Variants in RPS6KA2 observed in about 807,000 individuals in gnomAD.
RPS6KA2 encodes ribosomal protein S6 kinase A2, also known as ribosomal protein S6 kinase alpha-2.
Under a neutral mutation model 91.8 loss-of-function variants are expected in RPS6KA2, and 42 were observed. That is an observed-to-expected ratio of 0.46 (90% confidence interval 0.36 to 0.59). The LOEUF (loss-of-function observed/expected upper bound fraction) is 0.59, where lower values mean the gene tolerates loss of function less well. Ranked by LOEUF, RPS6KA2 falls within the 20% of genes least tolerant of loss-of-function variation. RPS6KA2 has a pLI of 0.00. For synonymous variants in RPS6KA2, 414 were observed against 393.6 expected, an observed-to-expected ratio of 1.05 and a Z score of -0.61; for missense variants, 798 against 978.5, an observed-to-expected ratio of 0.82 and a Z score of 2.46.
At chr6:166,487,003 A>G (rs9459681) in intron 10 of RPS6KA2, among the ~76,000 whole-genome samples, 3,709 of 152,352 alleles carry the variant, frequency 0.024, 153 homozygotes, top group African/African-American at 0.084. Flanking sequence ...TGGACGTTTC[A>G]TAATTGATTC....
chr6:166,706,181 A>G (rs1789676107), intron 2 of RPS6KA2, among the ~76,000 whole-genome samples: 1 of 152,240 alleles, frequency 6.6e-6, no homozygotes, highest in African/African-American at 2.4e-5. Flanking sequence ...CACACCTGCA[A>G]TAACCAATTA....
chr6:166,804,160 T>C (rs983997406), intron 2 of RPS6KA2, among the ~76,000 whole-genome samples: 2 of 128,296 alleles, frequency 1.6e-5, no homozygotes, highest in African/African-American at 2.6e-5. Context: ...GAATAATATA[T>C]GTAAATTAGT....
At chr6:166,619,564 C>T (rs924448823) in intron 1 of RPS6KA2, among the ~76,000 whole-genome samples, 3 of 152,132 alleles carry the variant, frequency 2.0e-5, no homozygotes, top group Admixed American at 1.3e-4. Flanking sequence ...CAGGAGCTGA[C>T]GGCCATGTGG....
chr6:166,572,297 A>C (rs1339023467), intron 1 of RPS6KA2, among the ~76,000 whole-genome samples: 1 of 152,250 alleles, frequency 6.6e-6, no homozygotes, highest in Non-Finnish European at 1.5e-5. Flanking sequence ...AATATTGAGA[A>C]GAAGAATGAA....
At chr6:166,617,877 C>T (rs768140460) in intron 1 of RPS6KA2, among the ~76,000 whole-genome samples, 7 of 152,366 alleles carry the variant, frequency 4.6e-5, no homozygotes, top group Admixed American at 6.5e-5. Flanking sequence ...CTTCCTTCTG[C>T]ACAAGCTTCA....
chr6:166,804,044 C>G (rs1779432963), intron 2 of RPS6KA2, among the ~76,000 whole-genome samples: 1 of 152,104 alleles, frequency 6.6e-6, no homozygotes, highest in South Asian at 2.1e-4. Flanking sequence ...TTTCTGAAGT[C>G]TGATGATTCT....
chr6:166,646,859 C>A (rs985867971), intron 2 of RPS6KA2, among the ~76,000 whole-genome samples: 2 of 152,236 alleles, frequency 1.3e-5, no homozygotes, highest in African/African-American at 4.8e-5. Flanking sequence ...AGCAAGTTCT[C>A]CTGCTTCTCA....
At position 166,733,526 on chromosome 6, in the gene RPS6KA2, ATCT is replaced by A. The variant is rs1188152707; in HGVS notation, c.123+124671_123+124673del. Among the ~76,000 whole-genome samples, 1 of 152,114 alleles carries A rather than the reference ATCT, an allele frequency of 6.6e-6. No homozygotes were observed. Among genetic ancestry groups the A allele is most frequent in the Non-Finnish European group, 1.5e-5 (1 of 68,022 alleles). On this transcript the variant is annotated intron_variant, in intron 2 of 21. Transcript: ENST00000503859. The surrounding 1 kb of genome is among the most constrained non-coding windows in gnomAD (Gnocchi z 4.1). ...ACCTTTCTGATCTTTCCTCATTCGG[ATCT>A]TATATTCCTTCTTCTCATCTCATTT...
chr6:166,843,895 C>T (rs2128630660), intron 2 of RPS6KA2, among the ~76,000 whole-genome samples: 1 of 152,048 alleles, frequency 6.6e-6, no homozygotes, highest in South Asian at 2.1e-4. Context: ...ACCAGCACAC[C>T]AGCAATGGAT....
intron 2 of RPS6KA2, among the ~76,000 whole-genome samples, chr6:166,743,349 C>A (rs1272747982): frequency 6.6e-6 from 1 of 152,190 alleles, no homozygotes; most frequent in African/African-American, 2.4e-5. Flanking sequence ...AGAACACTGC[C>A]CTCGTGAACA....
At chr6:166,731,776 C>T (rs578052287) in intron 2 of RPS6KA2, among the ~76,000 whole-genome samples, 1 of 152,194 alleles carries the variant, frequency 6.6e-6, no homozygotes, top group South Asian at 2.1e-4. Flanking sequence ...TGTGAATTTG[C>T]ACGGACTGAA....
At position 166,508,098 on chromosome 6, in the gene RPS6KA2, C is replaced by G; in HGVS notation, c.459+105G>C. ...ACACACCCCCACACACACACACGCA[C>G]TCTCGCACGTGCTCACGTCCTCTCA... On this transcript the variant is annotated intron_variant, in intron 5 of 20. Coordinates refer to ENST00000265678, the MANE Select transcript of RPS6KA2 (RefSeq NM_021135.6). This position sits in a 1 kb window ranked among gnomAD's most constrained non-coding sequence, Gnocchi z 4.3. 1.4e-6 allele frequency: 1 copy of G among 706,698 alleles called. No homozygotes were observed. The highest frequency in any genetic ancestry group is 2.5e-6 in the Non-Finnish European group (1 of 397,954). 43.8% of individuals were successfully genotyped at this position (706,698 alleles called of 1,614,324 possible).
intron 1 of RPS6KA2, among the ~76,000 whole-genome samples, chr6:166,550,755 C>T (rs549814274): frequency 6.6e-6 from 1 of 152,228 alleles, no homozygotes; most frequent in African/African-American, 2.4e-5. Flanking sequence ...GTAATCCCAG[C>T]ACTTTGGGAG....
intron 2 of RPS6KA2, among the ~76,000 whole-genome samples, chr6:166,824,753 CTG>C (rs1218929000): frequency 0.011 from 1,168 of 108,242 alleles, 7 homozygotes; most frequent in Non-Finnish European, 0.016. Context: ...GTCTGTATGT[CTG>C]TGTGTGTGTC....
At chr6:166,623,089 T>C (rs1786701618) in intron 1 of RPS6KA2, among the ~76,000 whole-genome samples, 1 of 152,232 alleles carries the variant, frequency 6.6e-6, no homozygotes, top group Non-Finnish European at 1.5e-5. Flanking sequence ...CCTCATTCAC[T>C]CCCTACTGTC....
intron 2 of RPS6KA2, among the ~76,000 whole-genome samples, chr6:166,693,244 A>G (rs1055207355): frequency 1.3e-5 from 2 of 152,192 alleles, no homozygotes; most frequent in African/African-American, 4.8e-5. Context: ...TTTGCCTCCT[A>G]TCACTGCCTG....
intron 1 of RPS6KA2, among the ~76,000 whole-genome samples, chr6:166,576,046 G>A (rs1170205938): frequency 1.3e-5 from 2 of 152,186 alleles, no homozygotes; most frequent in Admixed American, 6.5e-5. Flanking sequence ...GTGATAGTGA[G>A]TAAGTCTCAG....
chr6:166,695,774 G>A (rs571020733), intron 2 of RPS6KA2, among the ~76,000 whole-genome samples: 1 of 148,452 alleles, frequency 6.7e-6, no homozygotes, highest in Non-Finnish European at 1.5e-5. Flanking sequence ...TCTCATAGGA[G>A]CACTGGATTC....
intron 2 of RPS6KA2, among the ~76,000 whole-genome samples, chr6:166,650,548 G>A (rs995224123): frequency 6.6e-6 from 1 of 152,178 alleles, no homozygotes; most frequent in Non-Finnish European, 1.5e-5. Context: ...CTCTTTTCAC[G>A]GCCATCACTT....
Sources: gnomAD v4.1 joint callset for allele counts (sites outside exome capture counted in the v4.1 genomes callset) on GRCh38, gnomAD v4.1.1 for gene constraint, Gnocchi (gnomAD v3.1) non-coding constraint, MANE v1.5 for transcripts, NCBI Gene and HGNC (gene_info 2026-07-23, HGNC 2026-07-21) for gene names.